The following CTIF variants were observed in gnomAD, a reference collection of about 807,000 sequenced individuals.
CTIF encodes cap binding complex dependent translation initiation factor.
CTIF carries 21 observed loss-of-function variants against 66.0 expected under a neutral mutation model. The ratio of observed to expected loss-of-function variants is 0.32; its 90% CI spans 0.23 to 0.46. CTIF has a LOEUF of 0.46. CTIF is among the 20% of genes least tolerant of loss of function. CTIF has a pLI of 1.00. For synonymous variants in CTIF, 345 were observed against 326.4 expected (o/e 1.06, Z -0.62); for missense variants, 739 against 812.7 (o/e 0.91, Z 1.10).
chr18:48,645,734 G>A (rs2091019070), intron 3 of CTIF, among the ~76,000 whole-genome samples: 1 of 152,170 alleles, frequency 6.6e-6, no homozygotes, highest in South Asian at 2.1e-4. Flanking sequence ...AGACTCCCAG[G>A]GATGATGAGG....
chr18:48,602,850 A>AACGG (rs1473586367), intron 1 of CTIF, among the ~76,000 whole-genome samples: 1 of 142,550 alleles, frequency 7.0e-6, no homozygotes, highest in Non-Finnish European at 1.5e-5. Flanking sequence ...TGGATGGATG[A>AACGG]ATGGATGGAT....
At chr18:48,577,164 C>T (rs1363802401) in intron 1 of CTIF, among the ~76,000 whole-genome samples, 6 of 152,150 alleles carry the variant, frequency 3.9e-5, no homozygotes, top group Non-Finnish European at 8.8e-5. Context: ...CCACCTGAGG[C>T]GGGGAGTTTG....
chr18:48,747,928 A>AAAT (rs1473933774), intron 7 of CTIF, among the ~76,000 whole-genome samples: 3 of 150,870 alleles, frequency 2.0e-5, no homozygotes, highest in Non-Finnish European at 1.5e-5. Context: ...TGACTCTAAG[A>AAAT]AATAATAATA....
intron 7 of CTIF, among the ~76,000 whole-genome samples, chr18:48,724,363 T>G (rs112154190): frequency 6.6e-6 from 1 of 152,168 alleles, no homozygotes; most frequent in African/African-American, 2.4e-5. Flanking sequence ...CCCTCAGCTC[T>G]GTCCCCACCT....
chr18:48,683,661 G>A (rs780912400), intron 6 of CTIF, among the ~76,000 whole-genome samples: 5 of 152,098 alleles, frequency 3.3e-5, no homozygotes, highest in Non-Finnish European at 7.4e-5. Flanking sequence ...TGCCTCTAGC[G>A]GTCTAGGCCC....
At chr18:48,655,457 G>A (rs923482338) in intron 3 of CTIF, among the ~76,000 whole-genome samples, 6 of 152,150 alleles carry the variant, frequency 3.9e-5, no homozygotes, top group South Asian at 4.1e-4. Flanking sequence ...AGGGAACCCC[G>A]TGTCCATGAA....
At chr18:48,758,447 G>A (rs879614893) in intron 8 of CTIF, 42 bp downstream of exon 8, 27 of 1,550,098 alleles carry the variant, frequency 1.7e-5, no homozygotes, top group Non-Finnish European at 2.3e-5. Flanking sequence ...GCACCAGGGA[G>A]GACAGCAAGA....
chr18:48,760,185 C>CTCTCT (rs1908829409), intron 8 of CTIF: 1 of 132,930 alleles, frequency 7.5e-6, no homozygotes, highest in African/African-American at 2.8e-5. Context: ...TCAGCCCTTT[C>CTCTCT]TTTTTTTTTT....
intron 2 of CTIF, among the ~76,000 whole-genome samples, chr18:48,631,485 TA>T (rs1317503992): frequency 2.6e-5 from 4 of 152,082 alleles, no homozygotes; most frequent in African/African-American, 9.7e-5. Flanking sequence ...AAACAAACAA[TA>T]AAACACTCTT....
At position 48,635,449 on chromosome 18, in the gene CTIF, A is replaced by T. The variant is rs369867294; in HGVS notation, c.181-1165A>T. On this transcript the variant is annotated intron_variant, in intron 2 of 11. Coordinates refer to ENST00000256413, the MANE Select transcript of CTIF (RefSeq NM_014772.3). ...AGCAATCCTCCAGCCTCAGCCTCCCAAGTAGCTAGGACAGCAGGTGCATGC... is the reference window on the plus strand; with the variant it reads ...AGCAATCCTCCAGCCTCAGCCTCCCTAGTAGCTAGGACAGCAGGTGCATGC... 7.4e-5 allele frequency among the ~76,000 whole-genome samples: 11 copies of T among 149,542 alleles called. No individual in the cohort carries two copies. The South Asian group carries it at 2.3e-3, about 32-fold the overall frequency.
At chr18:48,818,243 C>T (rs2068410506) in intron 10 of CTIF, among the ~76,000 whole-genome samples, 1 of 152,158 alleles carries the variant, frequency 6.6e-6, no homozygotes, top group East Asian at 1.9e-4. Context: ...TTAGGCTGCG[C>T]AGCAAGAGGT....
intron 7 of CTIF, among the ~76,000 whole-genome samples, chr18:48,741,047 TGTG>T (rs2145743342): frequency 6.6e-6 from 1 of 152,334 alleles, no homozygotes; most frequent in South Asian, 2.1e-4. Flanking sequence ...CCCATAGAAT[TGTG>T]GTGATGATTG....
At chr18:48,810,190 C>T (rs77810990) in intron 9 of CTIF, among the ~76,000 whole-genome samples, 3 of 151,982 alleles carry the variant, frequency 2.0e-5, no homozygotes, top group Non-Finnish European at 2.9e-5. Flanking sequence ...ATCTGTTTTA[C>T]GCTTACAGCC....
chr18:48,728,800 C>A (rs946638401), intron 7 of CTIF, among the ~76,000 whole-genome samples: 65 of 151,910 alleles, frequency 4.3e-4, no homozygotes, highest in African/African-American at 1.3e-3. Flanking sequence ...TCTTTTGTAA[C>A]CTGGTCTCAA....
chr18:48,800,670 T>C (rs2068030704), intron 9 of CTIF, among the ~76,000 whole-genome samples: 1 of 152,178 alleles, frequency 6.6e-6, no homozygotes, highest in Non-Finnish European at 1.5e-5. Context: ...GGTGCTCCCC[T>C]GGCCAGGCAT....
At chr18:48,846,383 T>C (rs2069072111) in intron 10 of CTIF, among the ~76,000 whole-genome samples, 1 of 152,244 alleles carries the variant, frequency 6.6e-6, no homozygotes, top group African/African-American at 2.4e-5. Flanking sequence ...TTGTTCCTCT[T>C]GTTATCCCTG....
Position 48,575,359 on chromosome 18 carries a change from C to A in CTIF, c.-29+36047C>A, listed in dbSNP as rs1474686152. Among the ~76,000 whole-genome samples, 3 of 152,342 alleles carry A rather than the reference C, an allele frequency of 2.0e-5. No individual in the cohort carries two copies. The East Asian group carries it at 5.8e-4, about 29-fold the overall frequency. Reference sequence around the variant, plus strand: ...AACTCCATCTTCAACCCACTGGGATCCAGACCCCGTGCCTTTTTCCCACAA... The same window carrying A: ...AACTCCATCTTCAACCCACTGGGATACAGACCCCGTGCCTTTTTCCCACAA... On this transcript the variant is annotated intron_variant, in intron 1 of 11. Transcript: ENST00000256413.
intron 7 of CTIF, among the ~76,000 whole-genome samples, chr18:48,730,257 G>T (rs966903395): frequency 6.7e-6 from 1 of 148,710 alleles, no homozygotes; most frequent in African/African-American, 2.5e-5. Flanking sequence ...GGTGTGAGGG[G>T]CCCCCGCAGT....
At chr18:48,717,485 G>A (rs2092293850) in intron 7 of CTIF, among the ~76,000 whole-genome samples, 2 of 151,742 alleles carry the variant, frequency 1.3e-5, no homozygotes, top group African/African-American at 2.4e-5. Flanking sequence ...CTCTGCCAAC[G>A]TGAACCCAGA....
Sources: allele counts gnomAD v4.1 joint callset (sites outside exome capture counted in the v4.1 genomes callset), GRCh38; gene constraint gnomAD v4.1.1; transcripts MANE v1.5; gene names NCBI Gene and HGNC (gene_info 2026-07-23, HGNC 2026-07-21).